Variants in UBN1 observed in about 807,000 individuals in gnomAD.
UBN1 encodes the protein ubinuclein-1.
A neutral mutation model predicts 108.5 loss-of-function variants in UBN1; 17 were observed. That is an observed-to-expected ratio of 0.16 (90% CI 0.11 to 0.24). UBN1 has a LOEUF of 0.24. UBN1 is among the 10% of genes least tolerant of loss of function. The pLI, the probability that UBN1 is intolerant of heterozygous loss-of-function variation, is 1.00. For missense variants in UBN1, 1,595 were observed against 1,394.4 expected, an observed-to-expected ratio of 1.14 and a Z score of -2.29; for synonymous variants, 726 against 564.2, an observed-to-expected ratio of 1.29 and a Z score of -4.07.
At position 4,877,411 on chromosome 16, in the gene UBN1, C is replaced by T; in HGVS notation, c.3292C>T (p.Pro1098Ser). The part of the protein sequence containing the change: ...HSLLAGLHSS[P>S]PHAAPLPHAA... ...TCTTCTGGCTGGCTTGCACTCCAGC[C>T]CGCCCCATGCAGCGCCTCTCCCACA... Residue 1098 changes from proline (P) to serine (S), a missense_variant, in exon 17 of 18, where the codon CCG (proline) becomes TCG (serine). By Grantham distance (74) the Pro-to-Ser change is moderately conservative (BLOSUM62 -1). This residue lies in a region of UBN1 where 1,398 missense variants were observed against 1,194.7 expected (regional missense o/e 1.17). Transcript: ENST00000262376. The surrounding 1 kb of genome is among the most constrained non-coding windows in gnomAD (Gnocchi z 4.3). 6.2e-7 allele frequency: 1 copy of T among 1,612,522 alleles called. No homozygotes were observed. The highest frequency in any genetic ancestry group is 8.5e-7 in the Non-Finnish European group (1 of 1,179,492).
intron 7 of UBN1, among the ~76,000 whole-genome samples, chr16:4,866,395 C>T (rs2087333763): frequency 6.6e-6 from 1 of 152,200 alleles, no homozygotes; most frequent in African/African-American, 2.4e-5. Flanking sequence ...CTGTGGCGTG[C>T]CGTTTTACAG....
Position 4,874,929 on chromosome 16 carries a change from C to T in UBN1, c.2519C>T (p.Ser840Phe). ...PKASPTQCHR[S>F]LLQLVKTAAK... ...GCTTCTCCCACACAGTGTCATCGTT[C>T]CCTCCTGCAGTTAGTGAAGACAGCG... The change falls in exon 15 of 18, where the codon TCC becomes TTC. Residue 840 changes from serine to phenylalanine, a missense_variant. Ser to Phe is a radical substitution (Grantham distance 155, BLOSUM62 -2). This residue lies in a region of UBN1 where 1,398 missense variants were observed against 1,194.7 expected (regional missense o/e 1.17). Coordinates refer to ENST00000262376, the MANE Select transcript of UBN1 (RefSeq NM_001079514.3). The T allele has an allele frequency of 6.2e-7, 1 of 1,614,060 alleles. No individual in the cohort carries two copies. Among genetic ancestry groups the T allele is most frequent in the East Asian group, 2.2e-5 (1 of 44,904 alleles).
In UBN1 at chr16:4,848,168, C is replaced by T. The variant is rs2086296514; in HGVS notation, c.-82C>T. On this transcript the variant is annotated 5_prime_UTR_variant, in exon 1 of 18. Transcript: ENST00000262376. ...GCCCGGGGACCGGCATGAGGACCGC[C>T]GCGGGGGGACGTCTGCGGCCCGCGT... The T allele has an allele frequency of 6.6e-6, 1 of 152,192 alleles. No homozygotes were observed. The highest frequency in any genetic ancestry group is 1.5e-5 in the Non-Finnish European group (1 of 68,044). 9.4% of individuals were successfully genotyped at this position (152,192 alleles called of 1,614,324 possible).
At chr16:4,857,151 G>C (rs976504088) in intron 2 of UBN1, among the ~76,000 whole-genome samples, 1 of 151,774 alleles carries the variant, frequency 6.6e-6, no homozygotes, top group East Asian at 1.9e-4. Flanking sequence ...AGACCAGCCT[G>C]GGCAACATGA....
intron 6 of UBN1, 87 bp from the exon 7 acceptor site, chr16:4,860,577 T>TTAAAAAA: frequency 7.4e-7 from 1 of 1,354,538 alleles, no homozygotes; most frequent in Non-Finnish European, 1.0e-6. Flanking sequence ...CTGGAGACCA[T>TTAAAAAA]GACCCTGGGA....
intron 1 of UBN1, among the ~76,000 whole-genome samples, chr16:4,848,763 T>A (rs1310379760): frequency 6.6e-6 from 1 of 152,262 alleles, no homozygotes; most frequent in African/African-American, 2.4e-5. Flanking sequence ...TTAAAAATTC[T>A]GAATTTGTGA....
In UBN1 at chr16:4,860,788, C is replaced by T; in HGVS notation, c.796C>T (p.His266Tyr). Residue 266 changes from histidine to tyrosine, a missense_variant, in exon 7 of 18, where the codon CAT becomes TAT. Around this residue, in one of 3 missense-constraint regions of UBN1, gnomAD observed 1,398 missense variants for 1,194.7 expected, o/e 1.17. Transcript: ENST00000262376. Reference protein sequence around the residue: ...KEAQKKREEEHKPVAVPSAEA... With the variant: ...KEAQKKREEEYKPVAVPSAEA... ...GGCTCAGAAAAAAAGGGAGGAGGAG[C>T]ATAAGCCTGTTGCGGTCCCATCAGC... 1 of 1,614,264 alleles carries T rather than the reference C, an allele frequency of 6.2e-7. No individual in the cohort carries two copies. The highest frequency in any genetic ancestry group is 8.5e-7 in the Non-Finnish European group (1 of 1,180,042).
At chr16:4,878,357 G>T (rs556871835) in intron 17 of UBN1, among the ~76,000 whole-genome samples, 1 of 152,146 alleles carries the variant, frequency 6.6e-6, no homozygotes, top group East Asian at 1.9e-4. Context: ...GAAGCCAGCC[G>T]AGGTAACCCT....
At chr16:4,871,564 A>ATATGCACT (rs2087632860) in intron 12 of UBN1, among the ~76,000 whole-genome samples, 1 of 143,694 alleles carries the variant, frequency 7.0e-6, no homozygotes, top group African/African-American at 2.6e-5. Flanking sequence ...TCCCATCTCA[A>ATATGCACT]TATGCACTTT....
In UBN1 at chr16:4,877,075, C is replaced by G; in HGVS notation, c.3229C>G (p.Pro1077Ala). 1 of 1,613,756 alleles carries G rather than the reference C, an allele frequency of 6.2e-7. No homozygotes were observed. The highest frequency in any genetic ancestry group is 8.5e-7 in the Non-Finnish European group (1 of 1,179,812). Residue 1077 changes from proline to alanine, a missense_variant, in exon 16 of 18, where the codon CCT (proline) becomes GCT (alanine). Physicochemically the swap from Pro to Ala is conservative, Grantham distance 27. Coordinates refer to ENST00000262376, the MANE Select transcript of UBN1 (RefSeq NM_001079514.3). The surrounding 1 kb of genome is among the most constrained non-coding windows in gnomAD (Gnocchi z 4.3). ...GVSKDAIVTG[P>A]APGSFHHGLG... ...CTCCAAGGATGCCATCGTCACAGGC[C>G]CTGCCCCCGGGTCCTTCCACCATGG...
At chr16:4,854,713 G>A (rs935119835) in intron 2 of UBN1, among the ~76,000 whole-genome samples, 16 of 149,684 alleles carry the variant, frequency 1.1e-4, no homozygotes, top group African/African-American at 3.7e-4. Flanking sequence ...TTTGAGTACC[G>A]CCTAGGTGAA....
At chr16:4,857,886 A>C (rs867995812) in intron 2 of UBN1, 104 bp from the exon 3 acceptor site, 1 of 829,624 alleles carries the variant, frequency 1.2e-6, no homozygotes, top group Middle Eastern at 2.4e-4. Flanking sequence ...CCTTTTCTGG[A>C]AAACATTGTT....
intron 2 of UBN1, 27 bp from the exon 3 acceptor site, chr16:4,857,963 A>T (rs778654299): frequency 6.5e-7 from 1 of 1,539,262 alleles, no homozygotes. Flanking sequence ...TTTCTGACTT[A>T]TTTTTTGTGG....
In UBN1 at chr16:4,853,061, A is replaced by G. The variant is rs778736726; in HGVS notation, c.144A>G (p.Thr48=). Residue 48 remains threonine (T), a synonymous_variant, in exon 2 of 18, where the codon ACA becomes ACG. Transcript: ENST00000262376. ...CGGCTGCAGCAGCTGTTCGGATTAC[A>G]CTCACCCTCTTTGAACCAGATCACA... ...CEPAAAAVRI[T]LTLFEPDHKR... is the part of the protein sequence containing the mutation. 7 of 1,614,142 alleles carry G rather than the reference A, an allele frequency of 4.3e-6. No individual in the cohort carries two copies. Among genetic ancestry groups the G allele is most frequent in the Non-Finnish European group, 5.9e-6 (7 of 1,180,028 alleles).
intron 2 of UBN1, among the ~76,000 whole-genome samples, chr16:4,856,910 G>A (rs925820555): frequency 3.9e-5 from 6 of 152,202 alleles, no homozygotes; most frequent in African/African-American, 1.2e-4. Flanking sequence ...CTGATCCTTT[G>A]CAGGTGGTAT....
At chr16:4,852,443 C>G (rs2086604075) in intron 1 of UBN1, 1 of 157,072 alleles carries the variant, frequency 6.4e-6, no homozygotes, top group African/African-American at 2.4e-5. Flanking sequence ...TTTTGTTCAG[C>G]TGATAAAAGC....
chr16:4,866,118 A>G (rs2087317844), intron 7 of UBN1, among the ~76,000 whole-genome samples: 1 of 152,230 alleles, frequency 6.6e-6, no homozygotes, highest in Non-Finnish European at 1.5e-5. Flanking sequence ...TAGCAGTGTA[A>G]GCTTAAGCAA....
At chr16:4,876,784 A>G in intron 15 of UBN1, 87 bp from the exon 16 acceptor site, 1 of 1,516,384 alleles carries the variant, frequency 6.6e-7, no homozygotes. Context: ...TGGACACACA[A>G]GGAGGATCCT....
At chr16:4,850,430 G>A (rs984165730) in intron 1 of UBN1, among the ~76,000 whole-genome samples, 2 of 152,156 alleles carry the variant, frequency 1.3e-5, no homozygotes, top group Non-Finnish European at 2.9e-5. Flanking sequence ...GCATCCCATT[G>A]GTTAACTTGC....
Sources: allele counts gnomAD v4.1 joint callset (sites outside exome capture counted in the v4.1 genomes callset), GRCh38; gene constraint gnomAD v4.1.1; regional missense constraint gnomAD v4.1.1; non-coding constraint Gnocchi (gnomAD v3.1); transcripts MANE v1.5; gene names NCBI Gene and HGNC (gene_info 2026-07-23, HGNC 2026-07-21).